USP13: variants seen among roughly 807,000 people sequenced by gnomAD.
USP13 encodes ubiquitin carboxyl-terminal hydrolase 13.
In USP13, 68 loss-of-function variants were observed where a neutral mutation model predicts 107.8. That is an observed-to-expected ratio of 0.63 (90% CI 0.52 to 0.77). The LOEUF (loss-of-function observed/expected upper bound fraction) is 0.77, where lower values mean the gene tolerates loss of function less well. USP13 is among the 30% of genes least tolerant of loss of function. USP13 has a pLI of 0.00. For missense variants in USP13, 945 were observed against 1,093.3 expected, an observed-to-expected ratio of 0.86 and a Z score of 1.91; for synonymous variants, 377 against 389.5, an observed-to-expected ratio of 0.97 and a Z score of 0.38.
intron 19 of USP13, among the ~76,000 whole-genome samples, chr3:179,770,455 T>C (rs928558919): frequency 2.6e-5 from 4 of 152,234 alleles, no homozygotes; most frequent in South Asian, 2.1e-4. Context: ...GATTTTGTAA[T>C]TGGCCATTCT....
chr3:179,781,736 C>T lies in USP13; in HGVS notation c.2414-3C>T, dbSNP rs762157123. The T allele has an allele frequency of 6.2e-6, 10 of 1,612,898 alleles. No homozygotes were observed. Among genetic ancestry groups the T allele is most frequent in the African/African-American group, 1.3e-5 (1 of 74,874 alleles). On this transcript the variant is annotated splice_polypyrimidine_tract_variant and splice_region_variant and intron_variant, in intron 19 of 20. Transcript: ENST00000263966. ...TGTAACTGAGTTGTTTCCTCTTTCA[C>T]AGCATATGAGCTATTTGCATTCATC... is the stretch of plus-strand genomic sequence containing the variant.
At chr3:179,761,349 C>T (rs1382984047) in intron 17 of USP13, 94 bp downstream of exon 17, 2 of 1,471,908 alleles carry the variant, frequency 1.4e-6, no homozygotes, top group Non-Finnish European at 1.8e-6. Flanking sequence ...GGATGTATCC[C>T]TAGAAAATGA....
At chr3:179,763,673 G>A (rs544175062) in intron 17 of USP13, among the ~76,000 whole-genome samples, 3 of 152,124 alleles carry the variant, frequency 2.0e-5, no homozygotes, top group East Asian at 1.9e-4. Flanking sequence ...TGCAACCTCC[G>A]CCTCTTGGGT....
At position 179,730,124 on chromosome 3, in the gene USP13, T is replaced by C. The variant is rs918792514; in HGVS notation, c.1089-65T>C. ...AAGAAGGTCTTAGCAAGAATTTTGATGGCTTGTTTTGGTTCTGTTCTTCTT... is the reference window on the plus strand; with the variant it reads ...AAGAAGGTCTTAGCAAGAATTTTGACGGCTTGTTTTGGTTCTGTTCTTCTT... On this transcript the variant is annotated intron_variant, in intron 8 of 20. Coordinates refer to ENST00000263966, the MANE Select transcript of USP13 (RefSeq NM_003940.3). The C allele has an allele frequency of 6.1e-5, 89 of 1,455,432 alleles. 1 individual carries two copies. The Admixed American group carries it at 1.6e-3, about 27-fold the overall frequency. 90.2% of individuals were successfully genotyped at this position (1,455,432 alleles called of 1,614,324 possible).
intron 4 of USP13, 132 bp downstream of exon 4, chr3:179,701,261 T>C: frequency 8.1e-7 from 1 of 1,236,378 alleles, no homozygotes; most frequent in Non-Finnish European, 1.1e-6. Flanking sequence ...AGGATGAAAA[T>C]GAGCATGAAC....
In USP13 at chr3:179,784,031, T is replaced by C. The variant is rs763285417; in HGVS notation, c.2499-17T>C. The C allele has an allele frequency of 4.8e-5, 76 of 1,599,266 alleles. No individual in the cohort carries two copies. Among genetic ancestry groups the C allele is most frequent in the African/African-American group, 2.3e-4 (17 of 74,112 alleles). The stretch of plus-strand genomic sequence containing the variant: ...GAACTGACTTAAATCCATCAAATGC[T>C]TCTGTCTTATTTTCAGATGGGTGAT... On this transcript the variant is annotated splice_polypyrimidine_tract_variant and intron_variant, in intron 20 of 20. Coordinates refer to ENST00000263966, the MANE Select transcript of USP13 (RefSeq NM_003940.3).
intron 4 of USP13, among the ~76,000 whole-genome samples, chr3:179,701,439 C>G (rs1386557792): frequency 1.3e-5 from 2 of 152,080 alleles, no homozygotes; most frequent in African/African-American, 4.8e-5. Flanking sequence ...CAATCTGTTC[C>G]TTAGATTTTC....
In USP13 at chr3:179,653,055, C is replaced by T; in HGVS notation, c.-171C>T. 7.5e-6 allele frequency: 3 copies of T among 399,048 alleles called. No individual in the cohort carries two copies. The highest frequency in any genetic ancestry group is 1.0e-5 in the Non-Finnish European group (3 of 294,614). 24.7% of individuals were successfully genotyped at this position (399,048 alleles called of 1,614,324 possible). A position where few individuals can be genotyped will look rare whatever the true frequency, so the allele number is the denominator to read the frequency against. Reference sequence around the variant, plus strand: ...TAGCGTCGCCAGTCCGCCCCAAGCCCGCGGTGCCCGCTCCCGCCCCGCAGC... The same window carrying T: ...TAGCGTCGCCAGTCCGCCCCAAGCCTGCGGTGCCCGCTCCCGCCCCGCAGC... On this transcript the variant is annotated 5_prime_UTR_variant, in exon 1 of 21. Coordinates refer to ENST00000263966, the MANE Select transcript of USP13 (RefSeq NM_003940.3). The surrounding 1 kb of genome is among the most constrained non-coding windows in gnomAD (Gnocchi z 4.0).
intron 13 of USP13, 151 bp downstream of exon 13, chr3:179,745,368 C>A: frequency 2.1e-6 from 2 of 949,340 alleles, no homozygotes; most frequent in Non-Finnish European, 1.5e-6. Context: ...CCCTAACTGT[C>A]GTCAAACTTC....
intron 3 of USP13, among the ~76,000 whole-genome samples, chr3:179,700,298 A>G (rs1156680595): frequency 6.6e-6 from 1 of 152,210 alleles, no homozygotes; most frequent in Admixed American, 6.5e-5. Flanking sequence ...CTACTAGGCA[A>G]TAACTCAACA....
Position 179,745,208 on chromosome 3 carries a change from C to T in USP13, c.1700C>T (p.Ala567Val), listed in dbSNP as rs554239812. 435 of 1,407,394 alleles carry T rather than the reference C, an allele frequency of 3.1e-4. 5 individuals carry two copies. In the South Asian group the frequency reaches 4.7e-3, roughly 15 times the overall value. 87.2% of individuals were successfully genotyped at this position (1,407,394 alleles called of 1,614,324 possible). The stretch of plus-strand genomic sequence containing the variant: ...AGCAGTGCCCTACAAGCAAAGTCTG[C>T]GGGTGTGAAGTAAGTGTGTGTATAT... The part of the protein sequence containing the change: ...FWSSALQAKS[A>V]GVKTSRFASF... Residue 567 changes from alanine to valine, a missense_variant, in exon 13 of 21, where the codon GCG (alanine) becomes GTG (valine). By Grantham distance (64) the Ala-to-Val change is moderately conservative (BLOSUM62 0). Coordinates refer to ENST00000263966, the MANE Select transcript of USP13 (RefSeq NM_003940.3).
At chr3:179,733,202 C>T (rs1018929375) in intron 10 of USP13, among the ~76,000 whole-genome samples, 3 of 152,098 alleles carry the variant, frequency 2.0e-5, no homozygotes, top group African/African-American at 4.8e-5. Context: ...TCAGGTGCCA[C>T]GATCTAGTGG....
chr3:179,750,785 C>T (rs1320213511), intron 13 of USP13, among the ~76,000 whole-genome samples: 1 of 152,262 alleles, frequency 6.6e-6, no homozygotes, highest in Non-Finnish European at 1.5e-5. Context: ...GGCAGGTAGA[C>T]ATGATTAGTA....
chr3:179,658,831 G>A (rs1200646330), intron 1 of USP13, among the ~76,000 whole-genome samples: 1 of 152,216 alleles, frequency 6.6e-6, no homozygotes, highest in Non-Finnish European at 1.5e-5. Context: ...TAGGCACTAA[G>A]CCTGCAAATG....
Position 179,736,383 on chromosome 3 carries a change from A to G in USP13, c.1255-3864A>G, listed in dbSNP as rs183257998. Among the ~76,000 whole-genome samples the G allele has an allele frequency of 1.1e-3, 169 of 152,318 alleles. 1 individual carries two copies. The highest frequency in any genetic ancestry group is 3.9e-3 in the African/African-American group (163 of 41,580). ...AGCATATTAATAGTTGACCACGGGAATTAGTAAGACGTCCCCTCTGAAAGC... is the reference window on the plus strand; with the variant it reads ...AGCATATTAATAGTTGACCACGGGAGTTAGTAAGACGTCCCCTCTGAAAGC... On this transcript the variant is annotated intron_variant, in intron 10 of 20. Transcript: ENST00000263966.
At chr3:179,657,842 TGTGTAGGAAGTTTTGTGTGCTTAA>T (rs371016006) in intron 1 of USP13, among the ~76,000 whole-genome samples, 13 of 151,310 alleles carry the variant, frequency 8.6e-5, no homozygotes, top group African/African-American at 3.2e-4. Context: ...TGTCAGGGGT[TGTGTAGGAAGTTTTGTGTGCTTAA>T]GTGGAGGAGG....
intron 19 of USP13, among the ~76,000 whole-genome samples, chr3:179,774,282 T>C (rs555175382): frequency 6.6e-5 from 10 of 152,276 alleles, no homozygotes; most frequent in Admixed American, 3.3e-4. Flanking sequence ...CCCAAATACC[T>C]CCCACTATGT....
At position 179,658,758 on chromosome 3, in the gene USP13, C is replaced by T. The variant is rs557832432; in HGVS notation, c.168+5365C>T. Among the ~76,000 whole-genome samples, 22 of 152,240 alleles carry T rather than the reference C, an allele frequency of 1.4e-4. No individual in the cohort carries two copies. In the South Asian group the frequency reaches 3.9e-3, roughly 27 times the overall value. On this transcript the variant is annotated intron_variant, in intron 1 of 20. Coordinates refer to ENST00000263966, the MANE Select transcript of USP13 (RefSeq NM_003940.3). ...ACTGTATTTATCCACTGGCTCCCAT[C>T]CCCCATTGGTCAAGGTTTGTTCTAG... is the stretch of plus-strand genomic sequence containing the variant.
At chr3:179,740,176 G>T (rs562811297) in intron 10 of USP13, 71 bp from the exon 11 acceptor site, 5 of 1,593,120 alleles carry the variant, frequency 3.1e-6, no homozygotes, top group Admixed American at 3.4e-5. Context: ...GGTGGGTTCT[G>T]CTCTGCTTGC....
Sources: allele counts gnomAD v4.1 joint callset (sites outside exome capture counted in the v4.1 genomes callset), GRCh38; gene constraint gnomAD v4.1.1; non-coding constraint Gnocchi (gnomAD v3.1); transcripts MANE v1.5; gene names NCBI Gene and HGNC (gene_info 2026-07-23, HGNC 2026-07-21).